The following ACTR3C variants were observed in gnomAD, a reference collection of about 807,000 sequenced individuals.
ACTR3C encodes actin related protein 3C, also known as actin-related protein 3C.
ACTR3C carries 18 observed loss-of-function variants against 26.3 expected under a neutral mutation model. That is an observed-to-expected ratio of 0.68 (90% confidence interval 0.47 to 1.01). The LOEUF (loss-of-function observed/expected upper bound fraction) is 1.01. Among genes scored for constraint, ACTR3C ranks in the 50% least tolerant of loss-of-function variants. The pLI, the probability that ACTR3C is intolerant of heterozygous loss-of-function variation, is 0.00. For missense variants in ACTR3C, 184 were observed against 250.7 expected (o/e 0.73, Z 1.80); for synonymous variants, 55 against 94.5 (o/e 0.58, Z 2.42).
chr7:150,234,206 T>C, the ACTR3C span, among the ~76,000 whole-genome samples: 4 of 152,160 alleles, frequency 2.6e-5, no homozygotes, highest in Non-Finnish European at 4.4e-5. Flanking sequence ...TATACTCTTA[T>C]GATTACATCA....
At chr7:150,165,397 T>C in the ACTR3C span, among the ~76,000 whole-genome samples, 1 of 151,868 alleles carries the variant, frequency 6.6e-6, no homozygotes, top group Admixed American at 6.5e-5. Flanking sequence ...TAACTTTTAA[T>C]GAACCATGGC....
chr7:149,993,362 G>A, the ACTR3C span, among the ~76,000 whole-genome samples: 2 of 152,206 alleles, frequency 1.3e-5, no homozygotes, highest in Non-Finnish European at 2.9e-5. Context: ...GGGTGCACTT[G>A]TATAATTTGC....
Position 150,299,483 on chromosome 7 carries a change from AAAAAAAAAAAAC to A in ACTR3C, c.-51-4148_-51-4137del, listed in dbSNP as rs1441227059. On this transcript the variant is annotated intron_variant, in intron 1 of 7. Coordinates refer to ENST00000683684, the MANE Select transcript of ACTR3C (RefSeq NM_001164458.2). The stretch of plus-strand genomic sequence containing the variant: ...CCCTCTCAAAAAAAAAAAAAAAAAA[AAAAAAAAAAAAC>A]AAAAAACAGGCTGGGTGGTGTGGCT... 4.0e-3 allele frequency among the ~76,000 whole-genome samples: 588 copies of A among 145,370 alleles called. 18 individuals carry two copies. Among genetic ancestry groups the A allele is most frequent in the African/African-American group, 0.015 (550 of 37,726 alleles).
chr7:150,057,451 T>C, the ACTR3C span, among the ~76,000 whole-genome samples: 33 of 152,094 alleles, frequency 2.2e-4, no homozygotes, highest in African/African-American at 7.5e-4. Flanking sequence ...TGGCTAATTT[T>C]GTATTTTTAG....
chr7:150,256,824 G>C (rs1453539933), intron 6 of ACTR3C, among the ~76,000 whole-genome samples: 1 of 152,036 alleles, frequency 6.6e-6, no homozygotes, highest in Non-Finnish European at 1.5e-5. Flanking sequence ...AAATTAGTTG[G>C]CTTAACTGAC....
chr7:150,164,684 A>C, the ACTR3C span, among the ~76,000 whole-genome samples: 1 of 152,108 alleles, frequency 6.6e-6, no homozygotes, highest in South Asian at 2.1e-4. Context: ...ATCAGATGTC[A>C]TACTTCAGGC....
the ACTR3C span, among the ~76,000 whole-genome samples, chr7:150,148,288 C>T: frequency 5.9e-5 from 9 of 151,772 alleles, no homozygotes; most frequent in Admixed American, 3.9e-4. Flanking sequence ...ACCAGCCTTG[C>T]CAACGTGGTG....
intron 6 of ACTR3C, among the ~76,000 whole-genome samples, chr7:150,254,515 C>T (rs1833072844): frequency 6.6e-6 from 1 of 152,040 alleles, no homozygotes; most frequent in Non-Finnish European, 1.5e-5. Context: ...AGGATCAGGC[C>T]TCCCAGACAG....
In ACTR3C at chr7:150,316,480, G is replaced by GTT. The variant is rs1563212991; in HGVS notation, c.-52+6987_-52+6988dup. Among the ~76,000 whole-genome samples the GTT allele has an allele frequency of 4.6e-5, 6 of 131,730 alleles. 1 individual carries two copies. Among genetic ancestry groups the GTT allele is most frequent in the Non-Finnish European group, 7.9e-5 (5 of 63,602 alleles). The allele number at this position is 131,730 out of a possible 152,430, so 86.4% of individuals were successfully genotyped here. A position where few individuals can be genotyped will look rare whatever the true frequency, so the allele number is the denominator to read the frequency against. Reference sequence around the variant, plus strand: ...TTTTCCATCTGAACTTTAGAATCTGGTTATTTTTTTTTTTTTTTTTTTTTT... The same window carrying GTT: ...TTTTCCATCTGAACTTTAGAATCTGGTTTTATTTTTTTTTTTTTTTTTTTTTT... On this transcript the variant is annotated intron_variant, in intron 1 of 7. Coordinates refer to ENST00000683684, the MANE Select transcript of ACTR3C (RefSeq NM_001164458.2).
the ACTR3C span, among the ~76,000 whole-genome samples, chr7:150,008,074 T>C: frequency 1.3e-5 from 2 of 152,174 alleles, no homozygotes; most frequent in African/African-American, 4.8e-5. Context: ...AAATCACAAT[T>C]CCTGGAGACT....
chr7:150,075,905 G>A, the ACTR3C span, among the ~76,000 whole-genome samples: 3 of 152,162 alleles, frequency 2.0e-5, no homozygotes, highest in African/African-American at 7.2e-5. Flanking sequence ...GGGGAGACGA[G>A]CCCCTCTGCT....
the ACTR3C span, among the ~76,000 whole-genome samples, chr7:150,065,301 AC>A: frequency 2.0e-5 from 3 of 152,268 alleles, no homozygotes; most frequent in African/African-American, 7.2e-5. Context: ...TATATAATTT[AC>A]CATCGAAAAC....
At chr7:150,115,741 G>A in the ACTR3C span, among the ~76,000 whole-genome samples, 4 of 152,326 alleles carry the variant, frequency 2.6e-5, no homozygotes, top group African/African-American at 9.6e-5. Context: ...CTGTGAGCAG[G>A]GACCTGCCTG....
chr7:150,303,814 GAGA>G (rs1563200369), intron 1 of ACTR3C, among the ~76,000 whole-genome samples: 2 of 152,352 alleles, frequency 1.3e-5, no homozygotes, highest in African/African-American at 4.8e-5. Flanking sequence ...GTGCAGCAGT[GAGA>G]AGAAGAGAAA....
At chr7:149,919,249 CT>C in the ACTR3C span, among the ~76,000 whole-genome samples, 29 of 145,952 alleles carry the variant, frequency 2.0e-4, no homozygotes, top group Admixed American at 2.7e-4. Context: ...CATCCTTTTG[CT>C]TTTTTTTTTT....
the ACTR3C span, among the ~76,000 whole-genome samples, chr7:149,985,207 A>AACACACACACACACAC: frequency 2.0e-4 from 26 of 130,840 alleles, no homozygotes; most frequent in East Asian, 1.1e-3. Context: ...CAAACAAAGC[A>AACACACACACACACAC]ACACACACAC....
chr7:150,235,662 C>T, the ACTR3C span, among the ~76,000 whole-genome samples: 2 of 152,202 alleles, frequency 1.3e-5, no homozygotes, highest in African/African-American at 4.8e-5. Flanking sequence ...TCGTTGGGTT[C>T]ATTCGGCTAC....
the ACTR3C span, among the ~76,000 whole-genome samples, chr7:150,086,730 C>T: frequency 2.0e-5 from 3 of 152,148 alleles, no homozygotes; most frequent in South Asian, 2.1e-4. Context: ...AGGTGGCCCT[C>T]GGTGGCTGGT....
At chr7:150,159,531 C>T in the ACTR3C span, among the ~76,000 whole-genome samples, 4 of 151,994 alleles carry the variant, frequency 2.6e-5, no homozygotes, top group Non-Finnish European at 4.4e-5. Flanking sequence ...TGGAAACATC[C>T]AGATTGGAAC....
Sources: allele counts gnomAD v4.1 joint callset (sites outside exome capture counted in the v4.1 genomes callset), GRCh38; gene constraint gnomAD v4.1.1; transcripts MANE v1.5; gene names NCBI Gene and HGNC (gene_info 2026-07-23, HGNC 2026-07-21).